KANSL1L: variants seen among roughly 807,000 people sequenced by gnomAD.
The protein encoded by KANSL1L is KAT8 regulatory NSL complex subunit 1-like protein.
A neutral mutation model predicts 108.6 loss-of-function variants in KANSL1L; 25 were observed. That is an observed-to-expected ratio of 0.23 (90% CI 0.17 to 0.32). The LOEUF is 0.32. Among genes scored for constraint, KANSL1L ranks in the 10% least tolerant of loss-of-function variants. The pLI, the probability that KANSL1L is intolerant of heterozygous loss-of-function variation, is 1.00. For synonymous variants in KANSL1L, 405 were observed against 395.1 expected, an observed-to-expected ratio of 1.03 and a Z score of -0.30; for missense variants, 1,137 against 1,125.7, an observed-to-expected ratio of 1.01 and a Z score of -0.14.
At chr2:210,094,954 G>A (rs1291230254) in intron 5 of KANSL1L, among the ~76,000 whole-genome samples, 1 of 151,898 alleles carries the variant, frequency 6.6e-6, no homozygotes, top group African/African-American at 2.4e-5. Flanking sequence ...AAGGAAAAAT[G>A]TTTTACTTGT....
intron 2 of KANSL1L, among the ~76,000 whole-genome samples, chr2:210,143,799 C>T (rs1371159421): frequency 6.6e-6 from 1 of 152,088 alleles, no homozygotes; most frequent in Non-Finnish European, 1.5e-5. Context: ...TCATATTGTA[C>T]ATCCTATGAC....
At chr2:210,085,593 GAAT>G (rs2094629793) in intron 5 of KANSL1L, among the ~76,000 whole-genome samples, 1 of 151,958 alleles carries the variant, frequency 6.6e-6, no homozygotes, top group African/African-American at 2.4e-5. Context: ...AAAAAAACTT[GAAT>G]AAAAGCTGAA....
At chr2:210,036,875 G>C (rs2094110207) in intron 8 of KANSL1L, among the ~76,000 whole-genome samples, 2 of 151,976 alleles carry the variant, frequency 1.3e-5, no homozygotes, top group Admixed American at 1.3e-4. Context: ...TCCTGCCTCA[G>C]CCTCCCAAGT....
intron 3 of KANSL1L, among the ~76,000 whole-genome samples, chr2:210,124,560 G>A (rs565846046): frequency 3.3e-5 from 5 of 151,350 alleles, no homozygotes; most frequent in East Asian, 1.9e-4. Context: ...AAAAGATCTC[G>A]AAATAACAAC....
At chr2:210,066,186 T>C (rs1318814143) in intron 6 of KANSL1L, among the ~76,000 whole-genome samples, 2 of 152,128 alleles carry the variant, frequency 1.3e-5, no homozygotes, top group African/African-American at 4.8e-5. Context: ...ACTCCTAGCT[T>C]CTATATTTGC....
At chr2:210,071,835 T>G (rs979381439) in intron 6 of KANSL1L, among the ~76,000 whole-genome samples, 3 of 152,138 alleles carry the variant, frequency 2.0e-5, no homozygotes, top group South Asian at 2.1e-4. Context: ...ACAGCGTTTG[T>G]TTTTGCTTTT....
intron 2 of KANSL1L, among the ~76,000 whole-genome samples, chr2:210,142,716 A>G (rs926050219): frequency 1.3e-5 from 2 of 152,084 alleles, no homozygotes; most frequent in African/African-American, 4.8e-5. Flanking sequence ...AAATTTAGTC[A>G]TTAATCCATT....
Position 210,154,042 on chromosome 2 carries a change from C to T in KANSL1L, c.541G>A (p.Asp181Asn), listed in dbSNP as rs764871349. 2 of 1,613,822 alleles carry T rather than the reference C, an allele frequency of 1.2e-6. No homozygotes were observed. Among genetic ancestry groups the T allele is most frequent in the South Asian group, 2.2e-5 (2 of 91,034 alleles). ...CKWYQENALL[D>N]KVTDAEIKKG... ...TTAATCTCAGCATCAGTAACTTTAT[C>T]CAAAAGTGCATTCTCTTGATACCAT... The change falls in exon 2 of 15, where the codon GAT becomes AAT. Residue 181 changes from aspartate to asparagine, a missense_variant. Asp to Asn is a conservative substitution (Grantham distance 23, BLOSUM62 1). Transcript: ENST00000281772.
At chr2:210,106,022 C>T (rs2094843637) in intron 3 of KANSL1L, among the ~76,000 whole-genome samples, 1 of 152,190 alleles carries the variant, frequency 6.6e-6, no homozygotes, top group Non-Finnish European at 1.5e-5. Flanking sequence ...GAAGCCCCTA[C>T]TGCAGGATAA....
intron 1 of KANSL1L, among the ~76,000 whole-genome samples, chr2:210,156,861 G>T (rs1405594772): frequency 6.6e-6 from 1 of 151,792 alleles, no homozygotes; most frequent in South Asian, 2.1e-4. Context: ...GCCTTTTTAT[G>T]TATACACTTT....
At chr2:210,092,479 T>C (rs1384552717) in intron 5 of KANSL1L, among the ~76,000 whole-genome samples, 1 of 152,234 alleles carries the variant, frequency 6.6e-6, no homozygotes, top group Non-Finnish European at 1.5e-5. Context: ...TCAGTATTTT[T>C]CAGAAGTCTT....
chr2:210,031,820 C>G (rs947525384), intron 8 of KANSL1L, among the ~76,000 whole-genome samples: 4 of 152,146 alleles, frequency 2.6e-5, no homozygotes, highest in African/African-American at 9.7e-5. Context: ...TGAGGATTGG[C>G]TCAGATATAT....
intron 6 of KANSL1L, among the ~76,000 whole-genome samples, chr2:210,067,716 C>CAAAAAAAA (rs569072484): frequency 8.6e-5 from 8 of 92,922 alleles, no homozygotes; most frequent in African/African-American, 2.8e-4. Context: ...ACCCTGTCTC[C>CAAAAAAAA]AAAAAAAAAA....
intron 2 of KANSL1L, among the ~76,000 whole-genome samples, chr2:210,150,374 T>C (rs750605297): frequency 1.3e-5 from 2 of 152,222 alleles, no homozygotes; most frequent in Non-Finnish European, 2.9e-5. Flanking sequence ...TCACCATTTC[T>C]GTATATGTTT....
Position 210,104,247 on chromosome 2 carries a change from T to G in KANSL1L, c.1285A>C (p.Met429Leu). Residue 429 changes from methionine (M) to leucine (L), a missense_variant, in exon 4 of 15, where the codon ATG becomes CTG. By Grantham distance (15) the Met-to-Leu change is conservative (BLOSUM62 2). Around this residue, in one of 3 missense-constraint regions of KANSL1L, gnomAD observed 556 missense variants for 537.7 expected, o/e 1.03. Coordinates refer to ENST00000281772, the MANE Select transcript of KANSL1L (RefSeq NM_152519.4). ...QLPKDILKKQ[M>L]QFADQAASLN... Reference sequence around the variant, plus strand: ...GAAGCTGCTTGGTCTGCAAATTGCATTTGTTTTTTCAAAATATCTTTTGGA... The same window carrying G: ...GAAGCTGCTTGGTCTGCAAATTGCAGTTGTTTTTTCAAAATATCTTTTGGA... 6.2e-7 allele frequency: 1 copy of G among 1,613,924 alleles called. No homozygotes were observed. Among genetic ancestry groups the G allele is most frequent in the Non-Finnish European group, 8.5e-7 (1 of 1,179,916 alleles).
chr2:210,148,216 G>A (rs1425559504), intron 2 of KANSL1L, among the ~76,000 whole-genome samples: 3 of 152,120 alleles, frequency 2.0e-5, no homozygotes, highest in Non-Finnish European at 4.4e-5. Context: ...AAGACAAGCA[G>A]CATTATTTCT....
intron 5 of KANSL1L, among the ~76,000 whole-genome samples, chr2:210,093,558 A>C (rs961444843): frequency 6.6e-6 from 1 of 151,918 alleles, no homozygotes; most frequent in Non-Finnish European, 1.5e-5. Flanking sequence ...CTTCAATTTA[A>C]TTTTGTCTAA....
chr2:210,028,569 A>C lies in KANSL1L; in HGVS notation c.2396+276T>G, dbSNP rs1453991735. 3 of 266,924 alleles carry C rather than the reference A, an allele frequency of 1.1e-5. No homozygotes were observed. The Admixed American group carries it at 1.7e-4, about 15-fold the overall frequency. The allele number at this position is 266,924 out of a possible 1,614,324, so 16.5% of individuals were successfully genotyped here. On this transcript the variant is annotated intron_variant, in intron 11 of 14. Transcript: ENST00000281772. The stretch of plus-strand genomic sequence containing the variant: ...TCACTAAAGTACCTTTTAGTGTCAT[A>C]TACATAGTAGATAACACTGGATAAT...
In KANSL1L at chr2:210,031,445, TTTTC is replaced by T; in HGVS notation, c.2127_2130del (p.Lys710AspfsTer3). On this transcript the variant is annotated frameshift_variant, in exon 9 of 15. Coordinates refer to ENST00000281772, the MANE Select transcript of KANSL1L (RefSeq NM_152519.4). LOFTEE classifies it high-confidence loss of function. ...CCTAATGCTGTTTCACTCAAATGTC[TTTTC>T]TTTCTTCCCTGTAACAGTTGTGCAG... The T allele has an allele frequency of 6.2e-7, 1 of 1,601,074 alleles. No homozygotes were observed. Among genetic ancestry groups the T allele is most frequent in the Non-Finnish European group, 8.5e-7 (1 of 1,169,704 alleles).
Sources: allele counts gnomAD v4.1 joint callset (sites outside exome capture counted in the v4.1 genomes callset), GRCh38; gene constraint gnomAD v4.1.1; regional missense constraint gnomAD v4.1.1; transcripts MANE v1.5; gene names NCBI Gene and HGNC (gene_info 2026-07-23, HGNC 2026-07-21).